Variants in CATSPERE observed in about 807,000 individuals in gnomAD.
CATSPERE encodes cation channel sperm-associated auxiliary subunit epsilon.
CATSPERE carries 93 observed loss-of-function variants against 114.1 expected under a neutral mutation model. The ratio of observed to expected loss-of-function variants is 0.81; its 90% CI spans 0.69 to 0.97. The LOEUF (loss-of-function observed/expected upper bound fraction) is 0.97, where lower values mean the gene tolerates loss of function less well. Among genes scored for constraint, CATSPERE ranks in the 50% least tolerant of loss-of-function variants. The pLI, the probability that CATSPERE is intolerant of heterozygous loss-of-function variation, is 0.00. For missense variants in CATSPERE, 1,058 were observed against 1,131.6 expected, an observed-to-expected ratio of 0.93 and a Z score of 0.93; for synonymous variants, 341 against 384.1, an observed-to-expected ratio of 0.89 and a Z score of 1.31.
chr1:244,485,702 G>GTTTTTTTTTTTTTTT (rs201235266), intron 5 of CATSPERE, among the ~76,000 whole-genome samples: 1 of 137,648 alleles, frequency 7.3e-6, no homozygotes. Context: ...TGTTTTTTTT[G>GTTTTTTTTTTTTTTT]TTTTTTTTTT....
intron 19 of CATSPERE, among the ~76,000 whole-genome samples, chr1:244,615,232 G>A (rs1431216284): frequency 6.9e-6 from 1 of 145,902 alleles, no homozygotes; most frequent in African/African-American, 2.6e-5. Flanking sequence ...ATGGACTTTG[G>A]GCAGACCAAA....
chr1:244,539,919 A>C (rs2148452587), intron 8 of CATSPERE, among the ~76,000 whole-genome samples: 1 of 115,594 alleles, frequency 8.7e-6, no homozygotes, highest in Middle Eastern at 4.2e-3. Flanking sequence ...CCTTTCAAAA[A>C]ACCAGCTTCT....
intron 2 of CATSPERE, among the ~76,000 whole-genome samples, chr1:244,474,965 A>G (rs1411151157): frequency 6.9e-6 from 1 of 145,532 alleles, no homozygotes; most frequent in African/African-American, 2.5e-5. Flanking sequence ...CTGGTCTTGA[A>G]CTCCTGGGCT....
At chr1:244,512,994 G>A (rs777496349) in intron 7 of CATSPERE, among the ~76,000 whole-genome samples, 3 of 152,206 alleles carry the variant, frequency 2.0e-5, no homozygotes, top group Admixed American at 1.3e-4. Flanking sequence ...CATCAGGTTC[G>A]TGAACCCCCT....
Position 244,624,128 on chromosome 1 carries a change from A to ATTTTTTTTTT in CATSPERE, c.2648+6449_2648+6458dup, listed in dbSNP as rs58744339. Among the ~76,000 whole-genome samples, 11 of 125,936 alleles carry ATTTTTTTTTT rather than the reference A, an allele frequency of 8.7e-5. 1 individual carries two copies. The highest frequency in any genetic ancestry group is 1.7e-4 in the Admixed American group (2 of 11,806). The allele number at this position is 125,936 out of a possible 152,430, so 82.6% of individuals were successfully genotyped here. A position where few individuals can be genotyped will look rare whatever the true frequency, so the allele number is the denominator to read the frequency against. ...AGGCGTCCGCCACCATGCCCAGCTAATTTTTTTTTTTTTTTTGTATTTTTA... is the reference window on the plus strand; with the variant it reads ...AGGCGTCCGCCACCATGCCCAGCTAATTTTTTTTTTTTTTTTTTTTTTTTTTGTATTTTTA... On this transcript the variant is annotated intron_variant, in intron 20 of 21. Transcript: ENST00000366534.
intron 8 of CATSPERE, among the ~76,000 whole-genome samples, chr1:244,549,908 T>C (rs959504185): frequency 6.6e-6 from 1 of 152,022 alleles, no homozygotes; most frequent in African/African-American, 2.4e-5. Flanking sequence ...CCCAGTGTGG[T>C]TGGGCATCAC....
At chr1:244,477,816 T>G (rs896885702) in intron 3 of CATSPERE, 90 bp from the exon 4 acceptor site, 90 of 1,120,402 alleles carry the variant, frequency 8.0e-5, no homozygotes, top group Non-Finnish European at 1.1e-4. Context: ...CAGCATACAA[T>G]TGAAATTTTT....
At chr1:244,542,551 G>T (rs755217889) in intron 8 of CATSPERE, among the ~76,000 whole-genome samples, 10 of 151,478 alleles carry the variant, frequency 6.6e-5, no homozygotes, top group Non-Finnish European at 1.3e-4. Flanking sequence ...CTGTTGTTTA[G>T]CTCCCACTTA....
intron 9 of CATSPERE, among the ~76,000 whole-genome samples, chr1:244,554,728 T>TA (rs397752223): frequency 6.6e-6 from 1 of 151,814 alleles, no homozygotes; most frequent in African/African-American, 2.4e-5. Flanking sequence ...GGATTTTTTT[T>TA]AACTATTAAG....
chr1:244,616,338 T>G (rs924335950), intron 19 of CATSPERE, among the ~76,000 whole-genome samples: 12 of 152,234 alleles, frequency 7.9e-5, no homozygotes, highest in Non-Finnish European at 7.3e-5. Context: ...AAAGCTCTAT[T>G]GACTGGGAAG....
chr1:244,534,265 GTGTTC>G (rs1235708086), intron 8 of CATSPERE, among the ~76,000 whole-genome samples: 1 of 151,962 alleles, frequency 6.6e-6, no homozygotes, highest in African/African-American at 2.4e-5. Flanking sequence ...ACTCTGCTTG[GTGTTC>G]TGTAACCTTC....
At chr1:244,505,530 A>G (rs948971519) in intron 7 of CATSPERE, among the ~76,000 whole-genome samples, 1 of 152,116 alleles carries the variant, frequency 6.6e-6, no homozygotes, top group African/African-American at 2.4e-5. Context: ...TTCAACCCTA[A>G]TCTATGACCA....
chr1:244,451,843 G>A (rs1456620963), upstream of CATSPERE: 1 of 1,545,328 alleles, frequency 6.5e-7, no homozygotes, highest in South Asian at 1.2e-5. This position sits in a 1 kb window ranked among gnomAD's most constrained non-coding sequence, Gnocchi z 6.6. Flanking sequence ...AGGAGAGCCC[G>A]AAGGAGAGGC....
intron 8 of CATSPERE, among the ~76,000 whole-genome samples, chr1:244,542,351 A>G (rs541536769): frequency 6.6e-6 from 1 of 152,054 alleles, no homozygotes; most frequent in Non-Finnish European, 1.5e-5. Flanking sequence ...TTTAGATTCA[A>G]GGTGTATGTG....
intron 20 of CATSPERE, among the ~76,000 whole-genome samples, chr1:244,619,965 ATAG>A (rs1671887278): frequency 6.6e-6 from 1 of 152,212 alleles, no homozygotes; most frequent in Non-Finnish European, 1.5e-5. Flanking sequence ...TCAGAATCTG[ATAG>A]ATCAAGTAGT....
At chr1:244,589,380 T>C (rs1051376939) in intron 14 of CATSPERE, among the ~76,000 whole-genome samples, 1 of 152,200 alleles carries the variant, frequency 6.6e-6, no homozygotes, top group Non-Finnish European at 1.5e-5. Flanking sequence ...AATTAAGTAT[T>C]TGCATCTCAT....
chr1:244,497,364 T>TA (rs995664835), intron 6 of CATSPERE, among the ~76,000 whole-genome samples: 2 of 151,608 alleles, frequency 1.3e-5, no homozygotes, highest in African/African-American at 2.4e-5. Context: ...TCTTAATACG[T>TA]AAAAAAATTT....
intron 8 of CATSPERE, among the ~76,000 whole-genome samples, chr1:244,543,623 T>C (rs1221736820): frequency 1.7e-5 from 2 of 120,678 alleles, no homozygotes. Flanking sequence ...ATCTTTATTT[T>C]AAATTTTATT....
intron 20 of CATSPERE, among the ~76,000 whole-genome samples, chr1:244,629,421 G>T (rs1673621710): frequency 6.6e-6 from 1 of 150,984 alleles, no homozygotes. Context: ...CTTGTGGAAG[G>T]AAGTATAAAA....
Sources: gnomAD v4.1 joint callset for allele counts (sites outside exome capture counted in the v4.1 genomes callset) on GRCh38, gnomAD v4.1.1 for gene constraint, Gnocchi (gnomAD v3.1) non-coding constraint, MANE v1.5 for transcripts, NCBI Gene and HGNC (gene_info 2026-07-23, HGNC 2026-07-21) for gene names.